The following NREP variants were observed in gnomAD, a reference collection of about 807,000 sequenced individuals.
The protein encoded by NREP is neuronal regeneration related protein, also known as neuronal regeneration-related protein.
In NREP, 5 loss-of-function variants were observed where a neutral mutation model predicts 8.6. That is an observed-to-expected ratio of 0.58 (90% CI 0.30 to 1.22). The LOEUF (loss-of-function observed/expected upper bound fraction) is 1.22, where lower values mean the gene tolerates loss of function less well. NREP is among the 50% of genes most tolerant of loss of function. NREP has a pLI of 0.07. For missense variants in NREP, 86 were observed against 82.5 expected (o/e 1.04, Z -0.17); for synonymous variants, 27 against 28.0 (o/e 0.96, Z 0.11).
intron 2 of NREP, among the ~76,000 whole-genome samples, chr5:111,739,964 T>C (rs752142315): frequency 9.3e-5 from 14 of 150,322 alleles, no homozygotes; most frequent in Middle Eastern, 6.8e-3. Context: ...TATTAGAAAA[T>C]CAGAAAAGCA....
At chr5:111,758,343 G>T (rs1750864783), upstream of NREP, 11 of 767,042 alleles carry the variant, frequency 1.4e-5, no homozygotes, top group Non-Finnish European at 1.7e-5. Context: ...CCCACTGCCT[G>T]CCCGTCTGAA....
intron 2 of NREP, among the ~76,000 whole-genome samples, chr5:111,907,964 GTATT>G (rs1754818498): frequency 6.6e-6 from 1 of 151,994 alleles, no homozygotes; most frequent in Non-Finnish European, 1.5e-5. Flanking sequence ...ATACTAATGA[GTATT>G]TGTTTGTATA....
intron 2 of NREP, among the ~76,000 whole-genome samples, chr5:111,906,124 C>T (rs1754772172): frequency 6.6e-6 from 1 of 151,848 alleles, no homozygotes; most frequent in Non-Finnish European, 1.5e-5. Context: ...TTTGGTAACC[C>T]ATCATAAGCC....
chr5:111,950,136 G>A (rs1756113136), intron 2 of NREP, among the ~76,000 whole-genome samples: 1 of 152,004 alleles, frequency 6.6e-6, no homozygotes. Context: ...ACTGGTGTGA[G>A]ATGGTGGGTG....
intron 2 of NREP, among the ~76,000 whole-genome samples, chr5:111,849,769 C>G (rs1242334071): frequency 6.6e-6 from 1 of 152,118 alleles, no homozygotes; most frequent in Admixed American, 6.6e-5. Context: ...TCTAGACTCC[C>G]TTGTAGCTAG....
At chr5:111,884,063 T>G (rs180727738) in intron 2 of NREP, among the ~76,000 whole-genome samples, 1 of 151,950 alleles carries the variant, frequency 6.6e-6, no homozygotes, top group African/African-American at 2.4e-5. Flanking sequence ...TCAACAAAAC[T>G]GATAGACCAC....
At chr5:111,810,209 A>G (rs961037071) in intron 2 of NREP, among the ~76,000 whole-genome samples, 18 of 152,298 alleles carry the variant, frequency 1.2e-4, no homozygotes, top group African/African-American at 3.1e-4. Context: ...GTGTGTACAG[A>G]GCCCATGAGG....
chr5:111,780,441 C>T (rs1164124414), intron 2 of NREP, among the ~76,000 whole-genome samples: 1 of 152,082 alleles, frequency 6.6e-6, no homozygotes, highest in African/African-American at 2.4e-5. Context: ...AGGAAAGAGT[C>T]ATAGAGCTTT....
intron 3 of NREP, chr5:111,734,387 C>A (rs1031133372): frequency 1.0e-5 from 2 of 193,910 alleles, no homozygotes; most frequent in Middle Eastern, 1.8e-3. Flanking sequence ...TTTTAGCTCT[C>A]TTCCACTCCA....
chr5:111,849,377 G>C (rs529280663), intron 2 of NREP, among the ~76,000 whole-genome samples: 1 of 152,130 alleles, frequency 6.6e-6, no homozygotes, highest in East Asian at 1.9e-4. Flanking sequence ...TGAGGGAGGA[G>C]AGTAAAGAGA....
At chr5:111,976,890 C>T (rs1178941182) in exon 1 of NREP, 1 of 603,086 alleles carries the variant, frequency 1.7e-6, no homozygotes. Flanking sequence ...ATTGCACTGC[C>T]TGGAAAAGTA....
chr5:111,909,967 T>A (rs897015402), intron 2 of NREP, among the ~76,000 whole-genome samples: 7 of 152,134 alleles, frequency 4.6e-5, no homozygotes, highest in African/African-American at 1.7e-4. Context: ...GGGCCACAGC[T>A]ATACTTGTGA....
chr5:111,888,367 A>G (rs552501077), intron 2 of NREP, among the ~76,000 whole-genome samples: 60 of 152,110 alleles, frequency 3.9e-4, no homozygotes, highest in Admixed American at 1.6e-3. Context: ...GAAACTTACA[A>G]TCATGGTGGG....
chr5:111,914,194 T>G (rs1394653477), intron 2 of NREP, among the ~76,000 whole-genome samples: 1 of 152,128 alleles, frequency 6.6e-6, no homozygotes, highest in Non-Finnish European at 1.5e-5. Flanking sequence ...AGGTTCCTCT[T>G]CAAAGAGACT....
intron 2 of NREP, among the ~76,000 whole-genome samples, chr5:111,900,148 G>C (rs565055701): frequency 6.6e-6 from 1 of 152,072 alleles, no homozygotes; most frequent in African/African-American, 2.4e-5. Flanking sequence ...AGAAACTTTG[G>C]AAACTGTACA....
chr5:111,753,334 A>ATATATATATATATATATG (rs1750489573), intron 2 of NREP, among the ~76,000 whole-genome samples: 3 of 135,824 alleles, frequency 2.2e-5, no homozygotes, highest in Non-Finnish European at 3.1e-5. Context: ...TTGATTTTAT[A>ATATATATATATATATATG]TATATATATA....
chr5:111,753,556 G>A (rs1166657980), intron 2 of NREP, among the ~76,000 whole-genome samples: 2 of 151,842 alleles, frequency 1.3e-5, no homozygotes, highest in Non-Finnish European at 2.9e-5. Context: ...ACACTAAAAT[G>A]AGCTGATTAT....
At position 111,852,160 on chromosome 5, in the gene NREP, T is replaced by G. The variant is rs981330423; in HGVS notation, c.136-116653A>C. ...TCCACCAGGTGAGGAGTTCTAGAGA[T>G]CACCTTAGGGGATTCAGCTGTTAAC... On this transcript the variant is annotated intron_variant, in intron 2 of 3. Coordinates refer to the NREP transcript ENST00000395634. Among the ~76,000 whole-genome samples the G allele has an allele frequency of 2.0e-5, 3 of 152,142 alleles. 1 individual carries two copies. Among genetic ancestry groups the G allele is most frequent in the Non-Finnish European group, 2.9e-5 (2 of 68,030 alleles).
At chr5:111,832,633 T>G (rs982915818) in intron 2 of NREP, among the ~76,000 whole-genome samples, 2 of 152,194 alleles carry the variant, frequency 1.3e-5, no homozygotes, top group Non-Finnish European at 2.9e-5. Flanking sequence ...AAATAACTTC[T>G]GTGTCTGTCA....
Sources: gnomAD v4.1 joint callset for allele counts (sites outside exome capture counted in the v4.1 genomes callset) on GRCh38, gnomAD v4.1.1 for gene constraint, MANE v1.5 for transcripts, NCBI Gene and HGNC (gene_info 2026-07-23, HGNC 2026-07-21) for gene names.